Variants in ARSB observed in about 807,000 individuals in gnomAD.
ARSB encodes the protein N-acetylgalactosamine-4-sulfatase.
A neutral mutation model predicts 50.9 loss-of-function variants in ARSB; 41 were observed. The ratio of observed to expected loss-of-function variants is 0.81; its 90% CI spans 0.63 to 1.04. The LOEUF is 1.04. Ranked by LOEUF, ARSB falls within the 50% of genes least tolerant of loss-of-function variation. The pLI is 0.00. For synonymous variants in ARSB, 269 were observed against 284.8 expected (o/e 0.94, Z 0.56); for missense variants, 672 against 693.3 (o/e 0.97, Z 0.35).
intron 6 of ARSB, among the ~76,000 whole-genome samples, chr5:78,788,476 T>G (rs976348984): frequency 6.6e-6 from 1 of 152,222 alleles, no homozygotes; most frequent in Non-Finnish European, 1.5e-5. Flanking sequence ...TGAAATAGGA[T>G]GGTGAGTTAG....
chr5:78,906,157 A>C (rs995742524), intron 4 of ARSB, among the ~76,000 whole-genome samples: 3 of 143,810 alleles, frequency 2.1e-5, no homozygotes, highest in African/African-American at 5.4e-5. Context: ...TCGCTAACCA[A>C]ACATAAAAAA....
At chr5:78,913,257 T>C (rs975239694) in intron 4 of ARSB, among the ~76,000 whole-genome samples, 7 of 152,110 alleles carry the variant, frequency 4.6e-5, no homozygotes, top group African/African-American at 1.7e-4. Flanking sequence ...CCCAAGTAGC[T>C]GGGACTACAG....
intron 6 of ARSB, among the ~76,000 whole-genome samples, chr5:78,807,338 T>C (rs73120701): frequency 0.014 from 2,059 of 152,318 alleles, 52 homozygotes; most frequent in African/African-American, 0.047. Flanking sequence ...GGCTTCCAGG[T>C]TGATTTAGTC....
intron 5 of ARSB, among the ~76,000 whole-genome samples, chr5:78,851,249 G>T (rs1177986647): frequency 6.6e-6 from 1 of 152,056 alleles, no homozygotes; most frequent in South Asian, 2.1e-4. Flanking sequence ...CAGAGATTCT[G>T]GTATGTTGTG....
At chr5:78,957,811 C>G (rs1007420552) in intron 3 of ARSB, among the ~76,000 whole-genome samples, 1 of 151,992 alleles carries the variant, frequency 6.6e-6, no homozygotes, top group African/African-American at 2.4e-5. Context: ...GCAGGTGCAT[C>G]GCTGACCTGA....
At chr5:78,931,817 G>A (rs576678943) in intron 4 of ARSB, among the ~76,000 whole-genome samples, 17 of 152,202 alleles carry the variant, frequency 1.1e-4, no homozygotes, top group Non-Finnish European at 1.9e-4. Flanking sequence ...GGTGGGAGGT[G>A]ACTGGATCAT....
intron 6 of ARSB, among the ~76,000 whole-genome samples, chr5:78,834,332 AT>A (rs1744834885): frequency 6.6e-6 from 1 of 151,956 alleles, no homozygotes; most frequent in African/African-American, 2.4e-5. Flanking sequence ...CATTAAATAC[AT>A]TCACGTTGTT....
At chr5:78,938,169 A>G (rs1750725835) in intron 4 of ARSB, among the ~76,000 whole-genome samples, 2 of 152,212 alleles carry the variant, frequency 1.3e-5, no homozygotes, top group Admixed American at 1.3e-4. Flanking sequence ...GGGAGGTGGG[A>G]CTACCATCCC....
At chr5:78,848,085 T>G (rs1324256623) in intron 5 of ARSB, among the ~76,000 whole-genome samples, 2 of 151,112 alleles carry the variant, frequency 1.3e-5, no homozygotes, top group African/African-American at 4.8e-5. Flanking sequence ...ATTATTATTA[T>G]ACTTTAAGTT....
chr5:78,947,509 C>A (rs112413963), intron 4 of ARSB, among the ~76,000 whole-genome samples: 1 of 152,082 alleles, frequency 6.6e-6, no homozygotes, highest in Admixed American at 6.5e-5. Flanking sequence ...GACATATAAA[C>A]GGCAAACAGG....
chr5:78,887,350 A>G (rs554796810), intron 4 of ARSB, among the ~76,000 whole-genome samples: 2 of 152,246 alleles, frequency 1.3e-5, no homozygotes, highest in Non-Finnish European at 2.9e-5. Context: ...CGACTAATCC[A>G]TTCCCTTGAG....
chr5:78,794,378 T>G (rs1743101453), intron 6 of ARSB, among the ~76,000 whole-genome samples: 1 of 151,768 alleles, frequency 6.6e-6, no homozygotes, highest in Admixed American at 6.6e-5. Flanking sequence ...AAACATGAAA[T>G]AAAATAAAAA....
chr5:78,793,668 C>T (rs1384181318), intron 6 of ARSB, among the ~76,000 whole-genome samples: 1 of 152,152 alleles, frequency 6.6e-6, no homozygotes, highest in African/African-American at 2.4e-5. Flanking sequence ...ACAAATACTT[C>T]TTGAACTAGT....
chr5:78,970,359 G>T (rs772179658), intron 1 of ARSB, among the ~76,000 whole-genome samples: 1 of 152,088 alleles, frequency 6.6e-6, no homozygotes, highest in Non-Finnish European at 1.5e-5. Flanking sequence ...ATTTGGTTTT[G>T]AAAAATAGAG....
chr5:78,843,237 T>A (rs1401982171), intron 5 of ARSB, among the ~76,000 whole-genome samples: 1 of 152,200 alleles, frequency 6.6e-6, no homozygotes, highest in African/African-American at 2.4e-5. Flanking sequence ...TGGGGCCCAA[T>A]AATCTGCATT....
At chr5:78,916,115 AATCCAAAAT>A (rs1422946992) in intron 4 of ARSB, among the ~76,000 whole-genome samples, 3 of 152,230 alleles carry the variant, frequency 2.0e-5, no homozygotes, top group African/African-American at 4.8e-5. Flanking sequence ...ACTTCCATAA[AATCCAAAAT>A]ATCCAAGATA....
intron 4 of ARSB, among the ~76,000 whole-genome samples, chr5:78,887,229 GCT>G (rs1580002620): frequency 6.6e-6 from 1 of 152,190 alleles, no homozygotes; most frequent in African/African-American, 2.4e-5. Flanking sequence ...GCTGGTGAGG[GCT>G]TTTGTGCTGC....
At chr5:78,848,328 T>TTTC in intron 5 of ARSB, among the ~76,000 whole-genome samples, 1 of 73,284 alleles carries the variant, frequency 1.4e-5, no homozygotes, top group African/African-American at 5.8e-5. Context: ...TTTGGTTTTT[T>TTTC]GTCCTTGCGA....
intron 6 of ARSB, among the ~76,000 whole-genome samples, chr5:78,834,158 C>T (rs1744823691): frequency 6.6e-6 from 1 of 152,034 alleles, no homozygotes; most frequent in African/African-American, 2.4e-5. Flanking sequence ...GTGCATATGG[C>T]AGTAAATGAA....
Sources: allele counts gnomAD v4.1 joint callset (sites outside exome capture counted in the v4.1 genomes callset), GRCh38; gene constraint gnomAD v4.1.1; transcripts MANE v1.5; gene names NCBI Gene and HGNC (gene_info 2026-07-23, HGNC 2026-07-21).